The following KCNIP4 variants were observed in gnomAD, a reference collection of about 807,000 sequenced individuals.
The protein encoded by KCNIP4 is Kv channel-interacting protein 4.
A neutral mutation model predicts 34.0 loss-of-function variants in KCNIP4; 12 were observed. The ratio of observed to expected loss-of-function variants is 0.35; its 90% CI spans 0.23 to 0.57. The LOEUF (loss-of-function observed/expected upper bound fraction) is 0.57, where lower values mean the gene tolerates loss of function less well. Among genes scored for constraint, KCNIP4 ranks in the 20% least tolerant of loss-of-function variants. The probability of loss-of-function intolerance (pLI) is 0.83; values close to 1 mark genes in which losing one functional copy is unlikely to be tolerated. For synonymous variants in KCNIP4, 124 were observed against 102.2 expected (o/e 1.21, Z -1.29); for missense variants, 238 against 311.7 (o/e 0.76, Z 1.78).
At chr4:21,362,228 A>G (rs1222924824) in intron 1 of KCNIP4, among the ~76,000 whole-genome samples, 1 of 152,158 alleles carries the variant, frequency 6.6e-6, no homozygotes, top group African/African-American at 2.4e-5. Flanking sequence ...TATATCACTT[A>G]TTAGAAAATT....
chr4:20,927,267 G>A (rs1481234852), intron 1 of KCNIP4, among the ~76,000 whole-genome samples: 2 of 152,254 alleles, frequency 1.3e-5, no homozygotes, highest in South Asian at 2.1e-4. Flanking sequence ...ATGAGCCACC[G>A]TGCCCTGCCC....
chr4:20,761,465 T>G (rs953296976), intron 3 of KCNIP4, among the ~76,000 whole-genome samples: 2 of 152,194 alleles, frequency 1.3e-5, no homozygotes, highest in Non-Finnish European at 2.9e-5. Flanking sequence ...CTAAACACTT[T>G]GCAGTTAGAC....
At chr4:21,858,826 A>T (rs1465543229) in intron 1 of KCNIP4, among the ~76,000 whole-genome samples, 2 of 152,224 alleles carry the variant, frequency 1.3e-5, no homozygotes, top group Non-Finnish European at 2.9e-5. Flanking sequence ...AAGACAACTT[A>T]TTTTCCTAAA....
At chr4:21,093,111 C>G (rs1363404471) in intron 1 of KCNIP4, among the ~76,000 whole-genome samples, 1 of 152,176 alleles carries the variant, frequency 6.6e-6, no homozygotes, top group Non-Finnish European at 1.5e-5. Context: ...ACCATAAACA[C>G]TTCTGAGACC....
At chr4:20,740,931 G>A (rs6831523) in intron 5 of KCNIP4, among the ~76,000 whole-genome samples, 2 of 151,982 alleles carry the variant, frequency 1.3e-5, no homozygotes, top group Non-Finnish European at 2.9e-5. Context: ...CCTAGTCTCT[G>A]ATAAAACAGA....
intron 1 of KCNIP4, among the ~76,000 whole-genome samples, chr4:20,971,831 C>T (rs1385178600): frequency 1.3e-5 from 2 of 152,184 alleles, no homozygotes; most frequent in Non-Finnish European, 2.9e-5. Context: ...ATGCTGTTGA[C>T]AGCATTTTAT....
intron 1 of KCNIP4, among the ~76,000 whole-genome samples, chr4:21,282,501 T>C (rs1762843140): frequency 6.6e-6 from 1 of 151,658 alleles, no homozygotes; most frequent in South Asian, 2.1e-4. Flanking sequence ...TGTGTAATGC[T>C]GTTAAAATTT....
intron 1 of KCNIP4, among the ~76,000 whole-genome samples, chr4:21,510,686 C>T (rs1039426431): frequency 1.3e-5 from 2 of 151,814 alleles, no homozygotes; most frequent in Admixed American, 6.6e-5. Flanking sequence ...ATATGTTGAC[C>T]CCTCATTTTT....
intron 1 of KCNIP4, among the ~76,000 whole-genome samples, chr4:21,460,755 A>G (rs1729396920): frequency 6.6e-6 from 1 of 152,062 alleles, no homozygotes; most frequent in South Asian, 2.1e-4. Flanking sequence ...AAAATTTCTC[A>G]GTAACTTTAG....
At chr4:21,097,906 G>C (rs1394213256) in intron 1 of KCNIP4, among the ~76,000 whole-genome samples, 4 of 152,144 alleles carry the variant, frequency 2.6e-5, no homozygotes, top group African/African-American at 9.7e-5. Flanking sequence ...CCAAAAGCTA[G>C]GACTCTTGGG....
intron 1 of KCNIP4, among the ~76,000 whole-genome samples, chr4:21,250,037 A>T (rs535231203): frequency 5.3e-4 from 81 of 152,116 alleles, no homozygotes; most frequent in Non-Finnish European, 1.0e-3. Flanking sequence ...CTTTGAAAAG[A>T]GATCTTATCC....
At chr4:21,425,311 G>C (rs1725838741) in intron 1 of KCNIP4, among the ~76,000 whole-genome samples, 1 of 152,084 alleles carries the variant, frequency 6.6e-6, no homozygotes, top group African/African-American at 2.4e-5. Flanking sequence ...ACTCAATTAA[G>C]CACTTTTCAT....
At chr4:21,101,197 A>G (rs1246871286) in intron 1 of KCNIP4, among the ~76,000 whole-genome samples, 1 of 152,118 alleles carries the variant, frequency 6.6e-6, no homozygotes, top group Non-Finnish European at 1.5e-5. Context: ...TCCCACTTAT[A>G]AGTGAGAATA....
intron 1 of KCNIP4, among the ~76,000 whole-genome samples, chr4:21,471,548 G>A (rs1730471397): frequency 6.6e-6 from 1 of 152,112 alleles, no homozygotes; most frequent in Non-Finnish European, 1.5e-5. Context: ...TGAGTTTCCT[G>A]AAATTTACAT....
At chr4:21,369,132 G>A (rs1343217214) in intron 1 of KCNIP4, among the ~76,000 whole-genome samples, 2 of 147,018 alleles carry the variant, frequency 1.4e-5, no homozygotes, top group Admixed American at 1.3e-4. Flanking sequence ...ACCTGATTGA[G>A]TCTCCTAAAA....
At chr4:21,457,869 A>T (rs1222622157) in intron 1 of KCNIP4, among the ~76,000 whole-genome samples, 2 of 152,036 alleles carry the variant, frequency 1.3e-5, no homozygotes, top group Non-Finnish European at 2.9e-5. Flanking sequence ...AGACATACAC[A>T]CATACAAAAA....
rs1758275187 is a variant in KCNIP4, at chr4:21,225,020, G to A, written c.62-342311C>T. Among the ~76,000 whole-genome samples the A allele has an allele frequency of 2.0e-5, 3 of 152,074 alleles. No individual in the cohort carries two copies. The South Asian group carries it at 6.2e-4, about 32-fold the overall frequency. ...GTGTTACATCATCTTGCTCTAGTGT[G>A]GGCTACTGTAAGTGTTCTGAGCATG... On this transcript the variant is annotated intron_variant, in intron 1 of 8. Transcript: ENST00000382152.
intron 1 of KCNIP4, among the ~76,000 whole-genome samples, chr4:21,913,182 A>C (rs1422473911): frequency 2.6e-5 from 4 of 151,956 alleles, no homozygotes; most frequent in Admixed American, 2.6e-4. Context: ...TCTTATAAAA[A>C]AGGGGTTTGG....
rs1360532641 is a variant in KCNIP4, at chr4:21,358,975, T to G, written c.62-476266A>C. Among the ~76,000 whole-genome samples the G allele has an allele frequency of 2.0e-5, 3 of 152,042 alleles. No homozygotes were observed. The East Asian group carries it at 5.8e-4, about 29-fold the overall frequency. ...ATGTCTCATGTCTCCCCACAATGTA[T>G]AAAACCAAGCTGTGCTTCGACCACC... On this transcript the variant is annotated intron_variant, in intron 1 of 8. Transcript: ENST00000382152.
Sources: allele counts gnomAD v4.1 joint callset (sites outside exome capture counted in the v4.1 genomes callset), GRCh38; gene constraint gnomAD v4.1.1; transcripts MANE v1.5; gene names NCBI Gene and HGNC (gene_info 2026-07-23, HGNC 2026-07-21).